Variants in EPHA6 observed in about 807,000 individuals in gnomAD.
EPHA6 encodes EPH receptor A6.
A neutral mutation model predicts 112.0 loss-of-function variants in EPHA6; 50 were observed. The ratio of observed to expected loss-of-function variants is 0.45; its 90% CI spans 0.36 to 0.56. The LOEUF is 0.56. Ranked by LOEUF, EPHA6 falls within the 20% of genes least tolerant of loss-of-function variation. The probability of loss-of-function intolerance (pLI) is 0.00; values close to 1 mark genes in which losing one functional copy is unlikely to be tolerated. For synonymous variants in EPHA6, 529 were observed against 490.7 expected (o/e 1.08, Z -1.03); for missense variants, 1,280 against 1,417.4 (o/e 0.90, Z 1.56).
At chr3:97,574,157 T>C (rs745683685) in intron 11 of EPHA6, among the ~76,000 whole-genome samples, 21 of 152,166 alleles carry the variant, frequency 1.4e-4, no homozygotes, top group Non-Finnish European at 2.5e-4. Flanking sequence ...AATTTCTTCT[T>C]GGAGAAATCT....
chr3:97,310,359 A>C (rs2081499852), intron 5 of EPHA6, among the ~76,000 whole-genome samples: 1 of 151,608 alleles, frequency 6.6e-6, no homozygotes, highest in Non-Finnish European at 1.5e-5. Context: ...TCTACGGACC[A>C]CTGAGAACCA....
In EPHA6 at chr3:97,010,330, C is replaced by CA. The variant is rs35194058; in HGVS notation, c.1114+22339dup. ...TAAATAAAGTGTTTTGGAATACAGC[C>CA]AAGTTATTCATTTACATATTATCTG... is the stretch of plus-strand genomic sequence containing the variant. On this transcript the variant is annotated intron_variant, in intron 3 of 17. Transcript: ENST00000389672. 2.0e-5 allele frequency among the ~76,000 whole-genome samples: 3 copies of CA among 152,112 alleles called. No homozygotes were observed. The East Asian group carries it at 5.8e-4, about 29-fold the overall frequency.
intron 10 of EPHA6, among the ~76,000 whole-genome samples, chr3:97,499,373 A>G (rs550000069): frequency 3.4e-4 from 52 of 152,334 alleles, no homozygotes; most frequent in African/African-American, 1.2e-3. Context: ...TCCCACAAAT[A>G]TAGTCACTAT....
intron 4 of EPHA6, among the ~76,000 whole-genome samples, chr3:97,227,168 G>A (rs552668817): frequency 2.0e-5 from 3 of 149,530 alleles, no homozygotes; most frequent in South Asian, 4.3e-4. Context: ...TGTTTAATAT[G>A]TTAACATAAA....
chr3:96,847,220 A>T (rs980926115), intron 1 of EPHA6, among the ~76,000 whole-genome samples: 4 of 152,146 alleles, frequency 2.6e-5, no homozygotes, highest in African/African-American at 9.6e-5. Flanking sequence ...ATATAATTAT[A>T]ACTAGGTCCC....
rs138399446 is a variant in EPHA6, at chr3:97,648,963, G to A, written c.2784+10881G>A. On this transcript the variant is annotated intron_variant, in intron 14 of 17. Coordinates refer to ENST00000389672, the MANE Select transcript of EPHA6 (RefSeq NM_001080448.3). ...ACCCTAGTTCAACTGGGTCTAAGCC[G>A]AAAAATTACTTACACTCAATTTTTC... 3.6e-3 allele frequency among the ~76,000 whole-genome samples: 543 copies of A among 152,118 alleles called. 4 individuals carry two copies. Among genetic ancestry groups the A allele is most frequent in the African/African-American group, 0.011 (452 of 41,520 alleles).
chr3:96,836,828 G>T (rs756579921), intron 1 of EPHA6, among the ~76,000 whole-genome samples: 1 of 152,100 alleles, frequency 6.6e-6, no homozygotes, highest in South Asian at 2.1e-4. Flanking sequence ...CTTGTCTTGG[G>T]TTATTAGATT....
intron 2 of EPHA6, among the ~76,000 whole-genome samples, chr3:96,976,306 G>C (rs759065345): frequency 6.6e-6 from 1 of 152,098 alleles, no homozygotes; most frequent in Non-Finnish European, 1.5e-5. Context: ...CATGCTTCTT[G>C]TCTGAGCCTT....
intron 2 of EPHA6, among the ~76,000 whole-genome samples, chr3:96,948,887 G>A (rs542840430): frequency 6.6e-6 from 1 of 152,274 alleles, no homozygotes; most frequent in Non-Finnish European, 1.5e-5. Flanking sequence ...AACTGAGATT[G>A]GCTTTACTCA....
intron 11 of EPHA6, among the ~76,000 whole-genome samples, chr3:97,542,628 T>A (rs2092878294): frequency 6.6e-6 from 1 of 152,206 alleles, no homozygotes; most frequent in Admixed American, 6.5e-5. Context: ...GATTCGTGGG[T>A]CAAATGGTAT....
chr3:97,117,232 A>T (rs1341197407), intron 3 of EPHA6, among the ~76,000 whole-genome samples: 1 of 151,648 alleles, frequency 6.6e-6, no homozygotes, highest in Non-Finnish European at 1.5e-5. Flanking sequence ...TCAACCTCTT[A>T]TAAGATGTAT....
At chr3:96,917,420 A>G (rs2039540897) in intron 2 of EPHA6, among the ~76,000 whole-genome samples, 1 of 114,802 alleles carries the variant, frequency 8.7e-6, no homozygotes, top group East Asian at 3.3e-4. Context: ...CTCCATCTCA[A>G]AAAAAAAAAA....
intron 5 of EPHA6, among the ~76,000 whole-genome samples, chr3:97,325,705 T>C (rs189625063): frequency 2.0e-5 from 3 of 152,298 alleles, no homozygotes; most frequent in Admixed American, 1.3e-4. Flanking sequence ...ATTTTTGGTA[T>C]GTTCATCTAC....
At chr3:96,947,472 T>C (rs903169901) in intron 2 of EPHA6, among the ~76,000 whole-genome samples, 2 of 152,144 alleles carry the variant, frequency 1.3e-5, no homozygotes, top group African/African-American at 2.4e-5. Context: ...GTCAGGTTTG[T>C]CAAAGATCAG....
rs553163530 is a variant in EPHA6, at chr3:96,994,359, T to C, written c.1114+6366T>C. 6 of 223,534 alleles carry C rather than the reference T, an allele frequency of 2.7e-5. No homozygotes were observed. In the Admixed American group the frequency reaches 3.1e-4, roughly 12 times the overall value. The allele number at this position is 223,534 out of a possible 1,614,324, so 13.8% of individuals were successfully genotyped here. On this transcript the variant is annotated intron_variant, in intron 3 of 17. Transcript: ENST00000389672. ...ACATGTTGATGTTACAGATTTAACA[T>C]TGTTTTAATTTATTCTACTTAATGT...
At chr3:97,387,862 G>C (rs1345546427) in intron 5 of EPHA6, among the ~76,000 whole-genome samples, 1 of 152,164 alleles carries the variant, frequency 6.6e-6, no homozygotes, top group African/African-American at 2.4e-5. Flanking sequence ...AGTTCTGCAG[G>C]CTGTTCAGGA....
chr3:97,053,065 A>C (rs2108091494), intron 3 of EPHA6, among the ~76,000 whole-genome samples: 1 of 152,252 alleles, frequency 6.6e-6, no homozygotes, highest in South Asian at 2.1e-4. Flanking sequence ...ACTGACTGGA[A>C]GTGTTAAAAG....
chr3:97,663,406 A>G (rs944084763), intron 14 of EPHA6, among the ~76,000 whole-genome samples: 6 of 151,692 alleles, frequency 4.0e-5, no homozygotes, highest in African/African-American at 1.5e-4. Context: ...ACATATGTAT[A>G]CATGTGCCAT....
At chr3:97,447,706 C>T (rs2090394598) in intron 6 of EPHA6, 2 of 983,422 alleles carry the variant, frequency 2.0e-6, no homozygotes, top group South Asian at 4.8e-5. Flanking sequence ...GTAACAAACC[C>T]TGACTGTCTA....
Sources: allele counts gnomAD v4.1 joint callset (sites outside exome capture counted in the v4.1 genomes callset), GRCh38; gene constraint gnomAD v4.1.1; transcripts MANE v1.5; gene names NCBI Gene and HGNC (gene_info 2026-07-23, HGNC 2026-07-21).